The following FBP1 variants were observed in gnomAD, a reference collection of about 807,000 sequenced individuals.
FBP1 encodes the protein fructose-bisphosphatase 1, also known as fructose-1,6-bisphosphatase 1.
In FBP1, 22 loss-of-function variants were observed where a neutral mutation model predicts 29.9. That is an observed-to-expected ratio of 0.74 (90% CI 0.53 to 1.05). The LOEUF is 1.05. FBP1 is among the 50% of genes least tolerant of loss of function. FBP1 has a pLI of 0.00. For synonymous variants in FBP1, 175 were observed against 178.6 expected, an observed-to-expected ratio of 0.98 and a Z score of 0.16; for missense variants, 345 against 448.2, an observed-to-expected ratio of 0.77 and a Z score of 2.08.
chr9:94,625,967 G>C (rs745511745), intron 1 of FBP1, among the ~76,000 whole-genome samples: 17 of 152,084 alleles, frequency 1.1e-4, no homozygotes, highest in Non-Finnish European at 2.2e-4. Flanking sequence ...GCATGGATGG[G>C]GCTGCCTGCG....
intron 5 of FBP1, among the ~76,000 whole-genome samples, chr9:94,606,258 C>T (rs1278662216): frequency 2.0e-5 from 3 of 152,184 alleles, no homozygotes; most frequent in Non-Finnish European, 4.4e-5. Flanking sequence ...TTCTTCTCTT[C>T]ATATTCACTA....
At chr9:94,604,681 T>G (rs1827670124) in intron 6 of FBP1, among the ~76,000 whole-genome samples, 2 of 152,152 alleles carry the variant, frequency 1.3e-5, no homozygotes, top group South Asian at 4.2e-4. Context: ...CTACTCAGAA[T>G]GCTGAGGCAG....
In FBP1 at chr9:94,606,791, C is replaced by T; in HGVS notation, c.705+24G>A. On this transcript the variant is annotated intron_variant, in intron 5 of 6. Coordinates refer to ENST00000375326, the MANE Select transcript of FBP1 (RefSeq NM_000507.4). Reference sequence around the variant, plus strand: ...GGTGCCAGATGCCCAGAACCTGCACCACCCTCCCCGGGCCCTCACTTACTG... The same window carrying T: ...GGTGCCAGATGCCCAGAACCTGCACTACCCTCCCCGGGCCCTCACTTACTG... 3 of 1,609,890 alleles carry T rather than the reference C, an allele frequency of 1.9e-6. No individual in the cohort carries two copies. In the South Asian group the frequency reaches 3.3e-5, roughly 18 times the overall value.
chr9:94,604,655 G>A (rs1401810617), intron 6 of FBP1, among the ~76,000 whole-genome samples: 5 of 152,052 alleles, frequency 3.3e-5, no homozygotes, highest in Admixed American at 2.6e-4. Context: ...GTGGTGGCGG[G>A]CACCTGTAAT....
intron 1 of FBP1, among the ~76,000 whole-genome samples, chr9:94,630,200 CA>C (rs35964382): frequency 0.087 from 13,307 of 152,160 alleles, 697 homozygotes; most frequent in African/African-American, 0.15. Context: ...AGTAAGTTCT[CA>C]ATGTAAATGG....
intron 1 of FBP1, among the ~76,000 whole-genome samples, chr9:94,626,751 C>T (rs1472842472): frequency 6.6e-6 from 1 of 152,132 alleles, no homozygotes; most frequent in Non-Finnish European, 1.5e-5. Flanking sequence ...CAGAAGCCCC[C>T]TTAGAAATAC....
Position 94,639,337 on chromosome 9 carries a change from G to T in FBP1, c.-27C>A, listed in dbSNP as rs958446114. The T allele has an allele frequency of 2.5e-6, 4 of 1,594,908 alleles. No homozygotes were observed. Among genetic ancestry groups the T allele is most frequent in the Admixed American group, 3.5e-5 (2 of 57,256 alleles). ...CTTGAACCGGGTAGAGCGCGGGGCT[G>T]CAGGTGCAAGCGGCAGGTGCGGGGC... is the stretch of plus-strand genomic sequence containing the variant. On this transcript the variant is annotated 5_prime_UTR_variant, in exon 1 of 7. Coordinates refer to ENST00000375326, the MANE Select transcript of FBP1 (RefSeq NM_000507.4).
At position 94,607,056 on chromosome 9, in the gene FBP1, G is replaced by A. The variant is rs901571516; in HGVS notation, c.568-104C>T. The A allele has an allele frequency of 2.6e-5, 39 of 1,477,020 alleles. No homozygotes were observed. The East Asian group carries it at 3.9e-4, about 15-fold the overall frequency. 91.5% of individuals were successfully genotyped at this position (1,477,020 alleles called of 1,614,324 possible). On this transcript the variant is annotated intron_variant, in intron 4 of 6. Transcript: ENST00000375326. ...CTGGGCTACGCTGGGCTGGGGTCGC[G>A]GCGCACGGGCACCACTCATCTTGGG... is the stretch of plus-strand genomic sequence containing the variant.
intron 3 of FBP1, among the ~76,000 whole-genome samples, chr9:94,615,289 T>C (rs1827846935): frequency 6.6e-6 from 1 of 152,224 alleles, no homozygotes; most frequent in Non-Finnish European, 1.5e-5. Context: ...CTGTCATTCA[T>C]AATTCAAGCT....
chr9:94,633,236 C>T (rs556252441), intron 1 of FBP1, among the ~76,000 whole-genome samples: 1 of 152,248 alleles, frequency 6.6e-6, no homozygotes, highest in Non-Finnish European at 1.5e-5. Flanking sequence ...CCAAATCCTT[C>T]CTCTCCCCTC....
At chr9:94,639,834 C>T (rs1270595950), upstream of FBP1, among the ~76,000 whole-genome samples, 1 of 152,200 alleles carries the variant, frequency 6.6e-6, no homozygotes, top group African/African-American at 2.4e-5. Context: ...AATCATAAAA[C>T]GGAAGTTCAG....
In FBP1 at chr9:94,603,501, C is replaced by T. The variant is rs1277296075; in HGVS notation, c.897G>A (p.Gly299=). Residue 299 remains glycine, a synonymous_variant, in exon 7 of 7, where the codon GGG becomes GGA. Transcript: ENST00000375326. ...MEKAGGMATT[G]KEAVLDVIPT... is the part of the protein sequence containing the mutation. ...GAATGACGTCTAACACGGCCTCCTT[C>T]CCAGTGGTGGCCATTCCCCCAGCCT... 1.4e-5 allele frequency: 22 copies of T among 1,613,928 alleles called. No individual in the cohort carries two copies. Among genetic ancestry groups the T allele is most frequent in the Non-Finnish European group, 1.8e-5 (21 of 1,179,898 alleles).
chr9:94,616,418 C>T (rs1042952930), intron 3 of FBP1, among the ~76,000 whole-genome samples: 4 of 81,318 alleles, frequency 4.9e-5, no homozygotes, highest in African/African-American at 1.6e-4. Flanking sequence ...TTTGTACCCC[C>T]CAAAGCTGTT....
intron 1 of FBP1, among the ~76,000 whole-genome samples, chr9:94,637,350 C>T (rs1191819687): frequency 6.6e-6 from 1 of 151,142 alleles, no homozygotes; most frequent in African/African-American, 2.4e-5. Context: ...CATTCCAAAC[C>T]CAAGTAGCAG....
At chr9:94,615,151 G>A (rs958692153) in intron 3 of FBP1, among the ~76,000 whole-genome samples, 15 of 152,080 alleles carry the variant, frequency 9.9e-5, no homozygotes, top group Non-Finnish European at 1.8e-4. Context: ...CTCGTGATCC[G>A]CCCGCCTGGG....
At chr9:94,636,853 T>C (rs1168623585) in intron 1 of FBP1, among the ~76,000 whole-genome samples, 1 of 152,004 alleles carries the variant, frequency 6.6e-6, no homozygotes, top group East Asian at 1.9e-4. Flanking sequence ...CATGCCTGGC[T>C]AATTTTTGTG....
rs138941527 is a variant in FBP1, at chr9:94,622,487, G to A, written c.171-1996C>T. Among the ~76,000 whole-genome samples, 386 of 152,318 alleles carry A rather than the reference G, an allele frequency of 2.5e-3. 2 individuals are homozygous for A. Among genetic ancestry groups the A allele is most frequent in the East Asian group, 6.9e-3 (36 of 5,182 alleles). ...AGTGCATTTGCCCAAAACATAACTC[G>A]CTGTGACTGGCTGGGCAAAACTGAG... is the stretch of plus-strand genomic sequence containing the variant. On this transcript the variant is annotated intron_variant, in intron 1 of 6. Transcript: ENST00000375326.
chr9:94,619,539 T>C (rs3935327), intron 2 of FBP1, among the ~76,000 whole-genome samples: 3,790 of 152,204 alleles, frequency 0.025, 157 homozygotes, highest in African/African-American at 0.083. Context: ...CACTAGACAC[T>C]GGGACACAGA....
intron 6 of FBP1, 68 bp from the exon 7 acceptor site, chr9:94,603,640 G>C: frequency 7.1e-7 from 1 of 1,402,198 alleles, no homozygotes; most frequent in East Asian, 2.3e-5. Context: ...AGACTTTTCT[G>C]CAGCAAAACA....
Sources: allele counts gnomAD v4.1 joint callset (sites outside exome capture counted in the v4.1 genomes callset), GRCh38; gene constraint gnomAD v4.1.1; transcripts MANE v1.5; gene names NCBI Gene and HGNC (gene_info 2026-07-23, HGNC 2026-07-21).